ALG14: variants seen among roughly 807,000 people sequenced by gnomAD.
The protein encoded by ALG14 is ALG14 UDP-N-acetylglucosaminyltransferase subunit.
In ALG14, 17 loss-of-function variants were observed where a neutral mutation model predicts 22.8. The observed-to-expected ratio is 0.75, with a 90% CI of 0.51 to 1.12. The LOEUF (loss-of-function observed/expected upper bound fraction) is 1.12. Among genes scored for constraint, ALG14 ranks in the 50% most tolerant of loss-of-function variants. ALG14 has a pLI of 0.00. For missense variants in ALG14, 288 were observed against 271.8 expected (o/e 1.06, Z -0.42); for synonymous variants, 89 against 103.7 (o/e 0.86, Z 0.86).
At chr1:95,068,736 G>A (rs938211500) in intron 1 of ALG14, among the ~76,000 whole-genome samples, 1 of 152,110 alleles carries the variant, frequency 6.6e-6, no homozygotes, top group Non-Finnish European at 1.5e-5. Flanking sequence ...AATTGGCATG[G>A]TTCTTTCAGG....
At chr1:95,012,139 T>C (rs1298836276) in intron 3 of ALG14, among the ~76,000 whole-genome samples, 9 of 152,246 alleles carry the variant, frequency 5.9e-5, no homozygotes, top group Admixed American at 5.9e-4. Flanking sequence ...TCTACCATGA[T>C]TGAGAGGCCT....
chr1:94,983,286 T>C lies in ALG14; in HGVS notation c.441A>G (p.Gly147=), dbSNP rs560252657. ...KPDLVLCNGP[G]TCVPICVSAL... ...CAGATACACAGATAGGAACACATGT[T>C]CCTGGTCCGTTACACAACACCTGAA... Residue 147 remains glycine (G), a synonymous_variant, in exon 4 of 4, where the codon GGA becomes GGG. Transcript: ENST00000370205. 3 of 1,614,102 alleles carry C rather than the reference T, an allele frequency of 1.9e-6. No individual in the cohort carries two copies. Among genetic ancestry groups the C allele is most frequent in the South Asian group, 2.2e-5 (2 of 91,060 alleles).
At chr1:95,063,060 G>A (rs1432813015) in intron 2 of ALG14, among the ~76,000 whole-genome samples, 1 of 152,148 alleles carries the variant, frequency 6.6e-6, no homozygotes, top group Non-Finnish European at 1.5e-5. Flanking sequence ...GTGATGTTGA[G>A]CTTTCTTTCA....
At chr1:95,036,236 TG>T (rs984100666) in intron 2 of ALG14, among the ~76,000 whole-genome samples, 1 of 151,986 alleles carries the variant, frequency 6.6e-6, no homozygotes, top group African/African-American at 2.4e-5. Flanking sequence ...AATTGAATCA[TG>T]GGGGCAGTTC....
At chr1:95,007,029 A>C (rs560163332) in intron 3 of ALG14, among the ~76,000 whole-genome samples, 2 of 152,322 alleles carry the variant, frequency 1.3e-5, no homozygotes, top group Admixed American at 1.3e-4. Flanking sequence ...AATATTTCCA[A>C]AAGGCAAAAA....
chr1:95,047,772 G>A (rs565043399), intron 2 of ALG14, among the ~76,000 whole-genome samples: 2 of 152,138 alleles, frequency 1.3e-5, no homozygotes, highest in South Asian at 2.1e-4. Flanking sequence ...TTGAGACCAG[G>A]AGTTCAAGAC....
At chr1:95,070,936 T>C (rs1675541375) in intron 1 of ALG14, among the ~76,000 whole-genome samples, 1 of 152,104 alleles carries the variant, frequency 6.6e-6, no homozygotes, top group South Asian at 2.1e-4. Context: ...AGACAGGGTT[T>C]CACTATGTTG....
At chr1:95,036,118 A>G (rs1674185042) in intron 2 of ALG14, among the ~76,000 whole-genome samples, 1 of 152,136 alleles carries the variant, frequency 6.6e-6, no homozygotes. Flanking sequence ...GAAGTGTCAT[A>G]TAAGTGAGGG....
At position 95,044,044 on chromosome 1, in the gene ALG14, T is replaced by G. The variant is rs144176139; in HGVS notation, c.289-16784A>C. ...GATCGGGATGCTCCCCTTTCAGACA[T>G]CCCAGGGTTGGTGATGGCAATCCCA... On this transcript the variant is annotated intron_variant, in intron 2 of 3. Transcript: ENST00000370205. Among the ~76,000 whole-genome samples the G allele has an allele frequency of 2.2e-3, 341 of 152,218 alleles. 2 individuals are homozygous for G. The highest frequency in any genetic ancestry group is 7.8e-3 in the African/African-American group (324 of 41,522).
At chr1:95,013,336 T>G (rs1020124240) in intron 3 of ALG14, among the ~76,000 whole-genome samples, 4 of 151,824 alleles carry the variant, frequency 2.6e-5, no homozygotes, top group South Asian at 2.1e-4. Flanking sequence ...TGTTTTGATT[T>G]ATTTATTTTT....
At chr1:94,985,059 A>G (rs1672606698) in intron 3 of ALG14, among the ~76,000 whole-genome samples, 1 of 152,188 alleles carries the variant, frequency 6.6e-6, no homozygotes, top group Non-Finnish European at 1.5e-5. Context: ...GCAGGCACAC[A>G]GAAGTTGGGC....
chr1:95,053,421 A>C (rs1315565634), intron 2 of ALG14, among the ~76,000 whole-genome samples: 1 of 152,174 alleles, frequency 6.6e-6, no homozygotes, highest in Non-Finnish European at 1.5e-5. Flanking sequence ...ATAATGATTA[A>C]AAATAATTCA....
chr1:95,020,103 G>T (rs541298450), intron 3 of ALG14, among the ~76,000 whole-genome samples: 1 of 151,892 alleles, frequency 6.6e-6, no homozygotes. Flanking sequence ...CTATAATCCC[G>T]CTACTCAGGA....
chr1:95,069,214 C>T (rs1394670887), intron 1 of ALG14, among the ~76,000 whole-genome samples: 2 of 152,146 alleles, frequency 1.3e-5, no homozygotes, highest in African/African-American at 2.4e-5. Flanking sequence ...TGCGGTGGCA[C>T]GTGCCTGTGG....
At chr1:95,058,939 G>C (rs1253915793) in intron 2 of ALG14, among the ~76,000 whole-genome samples, 1 of 151,340 alleles carries the variant, frequency 6.6e-6, no homozygotes, top group Non-Finnish European at 1.5e-5. Context: ...CCTCATATTT[G>C]CCTTATTGCC....
chr1:95,028,721 C>A (rs138835756), intron 2 of ALG14, among the ~76,000 whole-genome samples: 2 of 151,970 alleles, frequency 1.3e-5, no homozygotes, highest in African/African-American at 2.4e-5. Context: ...ATTGCTTGAA[C>A]CTTGGAGGCA....
chr1:94,986,771 C>CCT (rs1557938587), intron 3 of ALG14, among the ~76,000 whole-genome samples: 3 of 139,802 alleles, frequency 2.1e-5, no homozygotes, highest in Admixed American at 7.3e-5. Context: ...GCGCCTGGCC[C>CCT]TTTTTTTTTT....
intron 3 of ALG14, among the ~76,000 whole-genome samples, chr1:95,008,276 T>C (rs1414604912): frequency 6.6e-6 from 1 of 152,132 alleles, no homozygotes; most frequent in African/African-American, 2.4e-5. Flanking sequence ...TCAGGAACAG[T>C]GATGAATGTG....
In ALG14 at chr1:95,037,178, G is replaced by T. The variant is rs539866955; in HGVS notation, c.289-9918C>A. Among the ~76,000 whole-genome samples, 10 of 152,108 alleles carry T rather than the reference G, an allele frequency of 6.6e-5. No homozygotes were observed. In the South Asian group the frequency reaches 1.7e-3, roughly 25 times the overall value. On this transcript the variant is annotated intron_variant, in intron 2 of 3. Coordinates refer to ENST00000370205, the MANE Select transcript of ALG14 (RefSeq NM_144988.4). ...ATTGACTCCTTCTTTTGACAATATCGCAATTTTCCTTTGGGTAACTCATTC... is the reference window on the plus strand; with the variant it reads ...ATTGACTCCTTCTTTTGACAATATCTCAATTTTCCTTTGGGTAACTCATTC...
Sources: allele counts gnomAD v4.1 joint callset (sites outside exome capture counted in the v4.1 genomes callset), GRCh38; gene constraint gnomAD v4.1.1; transcripts MANE v1.5; gene names NCBI Gene and HGNC (gene_info 2026-07-23, HGNC 2026-07-21).